CNTNAP5: variants seen among roughly 807,000 people sequenced by gnomAD.
CNTNAP5 encodes contactin associated protein family member 5, also known as contactin-associated protein-like 5.
CNTNAP5 carries 72 observed loss-of-function variants against 150.2 expected under a neutral mutation model. The observed-to-expected ratio is 0.48, with a 90% CI of 0.40 to 0.58. CNTNAP5 has a LOEUF of 0.58. Among genes scored for constraint, CNTNAP5 ranks in the 20% least tolerant of loss-of-function variants. The pLI, the probability that CNTNAP5 is intolerant of heterozygous loss-of-function variation, is 0.00. For synonymous variants in CNTNAP5, 672 were observed against 619.8 expected (o/e 1.08, Z -1.25); for missense variants, 1,636 against 1,626.2 (o/e 1.01, Z -0.10).
At chr2:124,412,228 G>T (rs1315939961) in intron 3 of CNTNAP5, among the ~76,000 whole-genome samples, 1 of 144,988 alleles carries the variant, frequency 6.9e-6, no homozygotes, top group African/African-American at 2.5e-5. Flanking sequence ...GGAAATAAAA[G>T]AGGATACAAA....
chr2:124,444,926 G>A (rs1028950165), intron 5 of CNTNAP5, among the ~76,000 whole-genome samples: 2 of 152,108 alleles, frequency 1.3e-5, no homozygotes, highest in African/African-American at 2.4e-5. Context: ...TGCACTGAGT[G>A]CTGGAAACCT....
At chr2:124,872,108 A>T (rs1677761466) in intron 21 of CNTNAP5, among the ~76,000 whole-genome samples, 1 of 152,084 alleles carries the variant, frequency 6.6e-6, no homozygotes, top group African/African-American at 2.4e-5. Flanking sequence ...ATTTAGGCCT[A>T]ATCCCATTCA....
chr2:124,337,815 C>T (rs1396776113), intron 3 of CNTNAP5, among the ~76,000 whole-genome samples: 1 of 151,770 alleles, frequency 6.6e-6, no homozygotes, highest in Non-Finnish European at 1.5e-5. Flanking sequence ...TGTGATGCCT[C>T]CAGCTTTGTT....
chr2:124,281,099 C>G (rs531460084), intron 3 of CNTNAP5, among the ~76,000 whole-genome samples: 1 of 152,050 alleles, frequency 6.6e-6, no homozygotes, highest in South Asian at 2.1e-4. Context: ...CTGTAACACT[C>G]CAGCAATGAG....
At chr2:124,260,023 A>G (rs1387527138) in intron 3 of CNTNAP5, among the ~76,000 whole-genome samples, 1 of 152,122 alleles carries the variant, frequency 6.6e-6, no homozygotes, top group African/African-American at 2.4e-5. Flanking sequence ...ACTACTTTAA[A>G]ATTCATATGG....
At chr2:124,627,483 C>A (rs1007547435) in intron 12 of CNTNAP5, among the ~76,000 whole-genome samples, 36 of 150,238 alleles carry the variant, frequency 2.4e-4, no homozygotes, top group African/African-American at 8.3e-4. Flanking sequence ...AGAAGAAAGG[C>A]CTGTTAGAAG....
chr2:124,238,920 A>G (rs1325875256), intron 2 of CNTNAP5, among the ~76,000 whole-genome samples: 1 of 152,226 alleles, frequency 6.6e-6, no homozygotes, highest in African/African-American at 2.4e-5. Context: ...CTTCCCTATT[A>G]GCTGTAATGC....
At chr2:124,094,570 C>T (rs1229498831) in intron 1 of CNTNAP5, among the ~76,000 whole-genome samples, 1 of 152,210 alleles carries the variant, frequency 6.6e-6, no homozygotes, top group Non-Finnish European at 1.5e-5. Flanking sequence ...GCACCATGCT[C>T]TTTATAGATA....
Position 124,599,837 on chromosome 2 carries a change from G to A in CNTNAP5, c.1757-9964G>A, listed in dbSNP as rs1232322739. On this transcript the variant is annotated intron_variant, in intron 11 of 23. Coordinates refer to ENST00000682447, the MANE Select transcript of CNTNAP5 (RefSeq NM_001367498.1). Reference sequence around the variant, plus strand: ...TTGCAGCCTCAAACTCATGGGTTGGGGGGAGCTCCTTAAATACTTTTCCTA... The same window carrying A: ...TTGCAGCCTCAAACTCATGGGTTGGAGGGAGCTCCTTAAATACTTTTCCTA... Among the ~76,000 whole-genome samples the A allele has an allele frequency of 1.3e-5, 2 of 151,476 alleles. 1 individual carries two copies.
chr2:124,644,620 G>A (rs73955538), intron 12 of CNTNAP5, among the ~76,000 whole-genome samples: 2,018 of 152,152 alleles, frequency 0.013, 45 homozygotes, highest in African/African-American at 0.045. Flanking sequence ...AGTAAATATG[G>A]AGACCAATTT....
intron 1 of CNTNAP5, among the ~76,000 whole-genome samples, chr2:124,171,820 C>T (rs1684940582): frequency 6.6e-6 from 1 of 152,124 alleles, no homozygotes; most frequent in South Asian, 2.1e-4. Context: ...GGTTCTTTAT[C>T]AGCAAATAGG....
chr2:124,783,441 A>G (rs1681496760), intron 17 of CNTNAP5, among the ~76,000 whole-genome samples: 1 of 152,098 alleles, frequency 6.6e-6, no homozygotes, highest in South Asian at 2.1e-4. Context: ...TTAAATATTA[A>G]TATTTCTGCT....
At chr2:124,494,804 A>G (rs1047375207) in intron 7 of CNTNAP5, among the ~76,000 whole-genome samples, 1 of 151,732 alleles carries the variant, frequency 6.6e-6, no homozygotes, top group African/African-American at 2.4e-5. Flanking sequence ...TATTTCTTTC[A>G]GCAATCTACA....
chr2:124,703,767 G>T (rs905834659), intron 13 of CNTNAP5, among the ~76,000 whole-genome samples: 1 of 152,180 alleles, frequency 6.6e-6, no homozygotes, highest in Non-Finnish European at 1.5e-5. Context: ...GAGCCCCAAA[G>T]ACGATAATCA....
chr2:124,470,730 G>A (rs186734432), intron 6 of CNTNAP5, among the ~76,000 whole-genome samples: 6 of 152,188 alleles, frequency 3.9e-5, no homozygotes, highest in Admixed American at 2.0e-4. Context: ...AATCCATCTT[G>A]AGTTGATTTT....
chr2:124,361,080 C>G (rs1013783251), intron 3 of CNTNAP5, among the ~76,000 whole-genome samples: 2 of 140,644 alleles, frequency 1.4e-5, no homozygotes, highest in South Asian at 4.7e-4. Context: ...TGCTGATACC[C>G]TTTCTTCCAG....
intron 12 of CNTNAP5, among the ~76,000 whole-genome samples, chr2:124,643,700 A>G (rs1020890924): frequency 6.6e-6 from 1 of 152,164 alleles, no homozygotes; most frequent in South Asian, 2.1e-4. Context: ...CAGACAGTCT[A>G]TGTGCACCAA....
At chr2:124,288,281 A>G (rs1032161817) in intron 3 of CNTNAP5, among the ~76,000 whole-genome samples, 2 of 152,212 alleles carry the variant, frequency 1.3e-5, no homozygotes, top group Non-Finnish European at 2.9e-5. Context: ...TAAGTACCAG[A>G]TAGCAAAACT....
intron 12 of CNTNAP5, among the ~76,000 whole-genome samples, chr2:124,635,985 C>T (rs1677961882): frequency 6.6e-6 from 1 of 152,194 alleles, no homozygotes; most frequent in African/African-American, 2.4e-5. Flanking sequence ...TTTTCCAGTG[C>T]TAGCTGTGAG....
Sources: allele counts gnomAD v4.1 joint callset (sites outside exome capture counted in the v4.1 genomes callset), GRCh38; gene constraint gnomAD v4.1.1; transcripts MANE v1.5; gene names NCBI Gene and HGNC (gene_info 2026-07-23, HGNC 2026-07-21).